Variants in NTM observed in about 807,000 individuals in gnomAD.
NTM encodes the protein neurotrimin, also known as IgLON family member 2.
NTM carries 13 observed loss-of-function variants against 42.1 expected under a neutral mutation model. That is an observed-to-expected ratio of 0.31 (90% CI 0.20 to 0.49). The LOEUF is 0.49. NTM is among the 20% of genes least tolerant of loss of function. The probability of loss-of-function intolerance (pLI) is 0.99; values close to 1 mark genes in which losing one functional copy is unlikely to be tolerated. For synonymous variants in NTM, 187 were observed against 179.2 expected (o/e 1.04, Z -0.35); for missense variants, 373 against 452.8 (o/e 0.82, Z 1.60).
At chr11:131,585,252 T>G (rs1036217755) in intron 1 of NTM, among the ~76,000 whole-genome samples, 33 of 152,362 alleles carry the variant, frequency 2.2e-4, no homozygotes, top group Admixed American at 1.5e-3. Flanking sequence ...TTTCCCTTTT[T>G]GCACCATGCA....
intron 1 of NTM, among the ~76,000 whole-genome samples, chr11:131,465,061 A>AT (rs1951762884): frequency 6.6e-6 from 1 of 152,178 alleles, no homozygotes; most frequent in Non-Finnish European, 1.5e-5. Flanking sequence ...ATTCTCCCCA[A>AT]TGGTGGATAA....
chr11:131,769,397 G>C (rs906140805), intron 1 of NTM: 1 of 154,618 alleles, frequency 6.5e-6, no homozygotes, highest in Non-Finnish European at 1.4e-5. Flanking sequence ...ACTGCTAGCA[G>C]GGAAACTCCA....
At chr11:132,033,130 A>G (rs1207801636) in intron 2 of NTM, among the ~76,000 whole-genome samples, 2 of 152,200 alleles carry the variant, frequency 1.3e-5, no homozygotes, top group African/African-American at 4.8e-5. Flanking sequence ...TGCCCACTAT[A>G]CACAGATAAT....
chr11:131,383,074 A>G (rs562840078), intron 1 of NTM, among the ~76,000 whole-genome samples: 2 of 152,158 alleles, frequency 1.3e-5, no homozygotes, highest in Non-Finnish European at 2.9e-5. Context: ...CCCTGTGTCC[A>G]TTGTTTAAAT....
At chr11:132,269,937 A>G (rs552484389) in intron 4 of NTM, among the ~76,000 whole-genome samples, 7 of 152,348 alleles carry the variant, frequency 4.6e-5, no homozygotes, top group African/African-American at 1.4e-4. Context: ...ATGACTTTTG[A>G]CAAATTGTAT....
intron 1 of NTM, among the ~76,000 whole-genome samples, chr11:131,807,006 G>A (rs1230648037): frequency 6.6e-6 from 1 of 152,186 alleles, no homozygotes; most frequent in African/African-American, 2.4e-5. Context: ...TACAGGATGA[G>A]CAACGTTAAA....
At chr11:131,789,667 A>AAAAGAAGAAGAAGAAGAAGAAGAAG (rs2090555219) in intron 1 of NTM, among the ~76,000 whole-genome samples, 1 of 121,626 alleles carries the variant, frequency 8.2e-6, no homozygotes, top group Non-Finnish European at 1.8e-5. Context: ...GAAGAAGAAG[A>AAAAGAAGAAGAAGAAGAAGAAGAAG]AAGCATGGGC....
At chr11:131,815,813 G>A (rs1338927252) in intron 1 of NTM, among the ~76,000 whole-genome samples, 1 of 152,140 alleles carries the variant, frequency 6.6e-6, no homozygotes, top group Non-Finnish European at 1.5e-5. Flanking sequence ...GGGATTAAGC[G>A]GCTGCCTTTA....
intron 1 of NTM, among the ~76,000 whole-genome samples, chr11:131,432,892 T>A (rs1324655671): frequency 7.3e-6 from 1 of 136,424 alleles, no homozygotes; most frequent in Non-Finnish European, 1.5e-5. Context: ...CTCACTCTGT[T>A]TGCCCAGGCT....
chr11:131,922,365 C>T, intron 2 of NTM: 1 of 152,498 alleles, frequency 6.6e-6, no homozygotes, highest in East Asian at 1.9e-4. Context: ...ACCGCACATC[C>T]TGCTGCTCAT....
intron 7 of NTM, among the ~76,000 whole-genome samples, chr11:132,322,107 G>A (rs1247338821): frequency 2.0e-5 from 3 of 152,020 alleles, no homozygotes; most frequent in Non-Finnish European, 4.4e-5. Context: ...AGACTAGGAA[G>A]AAACTGCATC....
At chr11:131,425,579 T>G (rs779907000) in intron 1 of NTM, among the ~76,000 whole-genome samples, 4 of 152,170 alleles carry the variant, frequency 2.6e-5, no homozygotes, top group African/African-American at 9.7e-5. Context: ...CACAGCCAAG[T>G]TCATGGTTTC....
intron 2 of NTM, among the ~76,000 whole-genome samples, chr11:132,108,571 C>T (rs935735658): frequency 6.6e-6 from 1 of 152,118 alleles, no homozygotes; most frequent in Non-Finnish European, 1.5e-5. Flanking sequence ...CTACACATTG[C>T]ATGCAGTGTA....
At chr11:131,750,013 G>T (rs1415062171) in intron 1 of NTM, among the ~76,000 whole-genome samples, 1 of 152,198 alleles carries the variant, frequency 6.6e-6, no homozygotes, top group Admixed American at 6.5e-5. Context: ...GAGAATGCCA[G>T]ATGAAAGCAA....
intron 1 of NTM, among the ~76,000 whole-genome samples, chr11:131,619,555 C>T (rs2062307879): frequency 6.6e-6 from 1 of 152,090 alleles, no homozygotes; most frequent in Non-Finnish European, 1.5e-5. Context: ...TCTTTAAAAC[C>T]ATAGTTTATC....
intron 2 of NTM, among the ~76,000 whole-genome samples, chr11:132,005,284 G>A (rs1347107584): frequency 6.6e-6 from 1 of 152,190 alleles, no homozygotes; most frequent in Non-Finnish European, 1.5e-5. Flanking sequence ...AAAGACTGGA[G>A]AATAAATCTT....
At chr11:132,297,565 G>A (rs958860313) in intron 4 of NTM, among the ~76,000 whole-genome samples, 3 of 152,184 alleles carry the variant, frequency 2.0e-5, no homozygotes, top group Admixed American at 6.5e-5. Flanking sequence ...TCCCCAGATC[G>A]ATATATCTAT....
intron 4 of NTM, among the ~76,000 whole-genome samples, chr11:132,253,537 A>G (rs937593474): frequency 2.6e-5 from 4 of 152,246 alleles, no homozygotes; most frequent in African/African-American, 9.6e-5. Context: ...TATTGATTGA[A>G]TGCTAGCTCT....
intron 1 of NTM, among the ~76,000 whole-genome samples, chr11:131,436,421 T>C (rs1263198818): frequency 6.6e-6 from 1 of 152,158 alleles, no homozygotes; most frequent in East Asian, 1.9e-4. Context: ...CCTGGACTTT[T>C]TTTGGTTGGT....
Sources: allele counts gnomAD v4.1 joint callset (sites outside exome capture counted in the v4.1 genomes callset), GRCh38; gene constraint gnomAD v4.1.1; transcripts MANE v1.5; gene names NCBI Gene and HGNC (gene_info 2026-07-23, HGNC 2026-07-21).